IZUMO4: variants seen among roughly 807,000 people sequenced by gnomAD.
The protein encoded by IZUMO4 is IZUMO family member 4.
Under a neutral mutation model 37.1 loss-of-function variants are expected in IZUMO4, and 51 were observed. The ratio of observed to expected loss-of-function variants is 1.38; its 90% confidence interval spans 1.10 to 1.74. The LOEUF is 1.74. IZUMO4 is among the 40% of genes most tolerant of loss of function. IZUMO4 has a pLI of 0.00. For synonymous variants in IZUMO4, 162 were observed against 121.4 expected (o/e 1.33, Z -2.20); for missense variants, 364 against 299.6 (o/e 1.21, Z -1.59).
In IZUMO4 at chr19:2,098,784, C is replaced by T. The variant is rs1214454424; in HGVS notation, c.537-3C>T. Reference sequence around the variant, plus strand: ...GGGCTGACTGCCCCACATTGCCTTTCAGACAGGACACGAGCATGAGGTAAG... The same window carrying T: ...GGGCTGACTGCCCCACATTGCCTTTTAGACAGGACACGAGCATGAGGTAAG... On this transcript the variant is annotated splice_polypyrimidine_tract_variant and splice_region_variant and intron_variant, in intron 7 of 9. Transcript: ENST00000395301. The T allele has an allele frequency of 1.9e-6, 3 of 1,602,372 alleles. No individual in the cohort carries two copies. The highest frequency in any genetic ancestry group is 1.7e-6 in the Non-Finnish European group (2 of 1,175,304).
intron 2 of IZUMO4, 35 bp from the exon 3 acceptor site, chr19:2,097,388 GC>G: frequency 1.5e-6 from 1 of 684,420 alleles, no homozygotes; most frequent in South Asian, 1.4e-5. Context: ...CCCGCCCACC[GC>G]CTGAGCCTGA....
intron 8 of IZUMO4, 28 bp downstream of exon 8, chr19:2,098,832 G>GGGGA (rs765441391): frequency 3.3e-5 from 52 of 1,589,456 alleles, no homozygotes; most frequent in Middle Eastern, 1.7e-4. Context: ...TGGACTTCAG[G>GGGGA]GGGAGGGGGT....
Position 2,099,363 on chromosome 19 carries a change from C to T in IZUMO4, c.*18C>T, listed in dbSNP as rs1051767. ...AGCACTGACAGCAGCTGGGCCTGCCCCAGGGCAACGTGGGGGCGGAGACTC... is the reference window on the plus strand; with the variant it reads ...AGCACTGACAGCAGCTGGGCCTGCCTCAGGGCAACGTGGGGGCGGAGACTC... On this transcript the variant is annotated 3_prime_UTR_variant, in exon 10 of 10. Coordinates refer to ENST00000395301, the MANE Select transcript of IZUMO4 (RefSeq NM_001039846.2). 491,537 of 1,587,634 alleles carry T rather than the reference C, an allele frequency of 0.31. 81,291 individuals are homozygous for T. The highest frequency in any genetic ancestry group is 0.35 in the Non-Finnish European group (403,222 of 1,161,710).
At chr19:2,099,201 G>A in intron 9 of IZUMO4, 54 bp from the exon 10 acceptor site, 1 of 1,520,990 alleles carries the variant, frequency 6.6e-7, no homozygotes, top group Non-Finnish European at 9.1e-7. Context: ...CCCCCAGGGA[G>A]GGAGGCAGGG....
chr19:2,099,176 A>G (rs929820290), intron 9 of IZUMO4, 79 bp from the exon 10 acceptor site: 2 of 1,411,426 alleles, frequency 1.4e-6, no homozygotes, highest in Non-Finnish European at 2.0e-6. Context: ...CCCAGCTGGG[A>G]GGAGAGGCCT....
Position 2,097,011 on chromosome 19 carries a change from C to T in IZUMO4, c.66C>T (p.His22=), listed in dbSNP as rs1470230958. 2.5e-6 allele frequency: 4 copies of T among 1,611,662 alleles called. No homozygotes were observed. The highest frequency in any genetic ancestry group is 1.7e-5 in the Admixed American group (1 of 60,020). The change falls in exon 1 of 10, where the codon CAC becomes CAT. Residue 22 remains histidine (H), a synonymous_variant. Coordinates refer to ENST00000395301, the MANE Select transcript of IZUMO4 (RefSeq NM_001039846.2). ...TGGCCCACGGCTGTCTGCACTGCCA[C>T]AGCAACTTCTCCAAGAAGTTCTCCT... is the stretch of plus-strand genomic sequence containing the variant. ...AALAHGCLHC[H]SNFSKKFSFY...
rs572018061 is a variant in IZUMO4 at position 2,098,548 on chromosome 19, G to A, written c.536+98G>A. The A allele has an allele frequency of 1.0e-3, 1,682 of 1,606,782 alleles. 32 individuals carry two copies. The South Asian group carries it at 0.016, about 16-fold the overall frequency. Reference sequence around the variant, plus strand: ...ACAGGCTGGCTCCCTCAGCTCCCACGTCCTAGAGGGGCTCCCGAGGAGGTG... The same window carrying A: ...ACAGGCTGGCTCCCTCAGCTCCCACATCCTAGAGGGGCTCCCGAGGAGGTG... On this transcript the variant is annotated intron_variant, in intron 7 of 9. Coordinates refer to ENST00000395301, the MANE Select transcript of IZUMO4 (RefSeq NM_001039846.2).
chr19:2,098,832 G>A (rs966847819), intron 8 of IZUMO4, 28 bp downstream of exon 8: 1 of 1,589,572 alleles, frequency 6.3e-7, no homozygotes, highest in Non-Finnish European at 8.6e-7. Context: ...TGGACTTCAG[G>A]GGGAGGGGGT....
In IZUMO4 at chr19:2,098,967, C is replaced by T. The variant is rs1353900660; in HGVS notation, c.555-9C>T. The T allele has an allele frequency of 6.2e-7, 1 of 1,613,032 alleles. No individual in the cohort carries two copies. ...TGCAACCACACCCATGTGGTGGTTT[C>T]ATGAACAGACCACGCTCCTCTGCCT... On this transcript the variant is annotated splice_polypyrimidine_tract_variant and intron_variant, in intron 8 of 9. Coordinates refer to ENST00000395301, the MANE Select transcript of IZUMO4 (RefSeq NM_001039846.2).
intron 5 of IZUMO4, 52 bp from the exon 6 acceptor site, chr19:2,098,235 G>T: frequency 6.2e-7 from 1 of 1,612,810 alleles, no homozygotes; most frequent in South Asian, 1.1e-5. Flanking sequence ...TCATCGGGTA[G>T]GGCGGGGCCG....
At position 2,099,578 on chromosome 19, in the gene IZUMO4, G is replaced by T; in HGVS notation, c.*233G>T. 1.8e-6 allele frequency: 1 copy of T among 560,574 alleles called. No homozygotes were observed. Among genetic ancestry groups the T allele is most frequent in the Non-Finnish European group, 3.2e-6 (1 of 310,644 alleles). The allele number at this position is 560,574 out of a possible 1,614,324, so 34.7% of individuals were successfully genotyped here. ...GCGGGATGTGATTAAAGTCCCTGAT[G>T]TTTCTCTTTGCAGAAGAGTTCTTGT... On this transcript the variant is annotated 3_prime_UTR_variant, in exon 10 of 10. Transcript: ENST00000395301.
At position 2,099,236 on chromosome 19, in the gene IZUMO4, C is replaced by T. The variant is rs768456177; in HGVS notation, c.609-19C>T. The T allele has an allele frequency of 1.4e-5, 22 of 1,605,450 alleles. No individual in the cohort carries two copies. The South Asian group carries it at 1.5e-4, about 11-fold the overall frequency. ...GGGTGGGGGACATGGAGAGCTGAGG[C>T]AGCCTCGTCTCCCCGCAGCCTGGTA... On this transcript the variant is annotated intron_variant, in intron 9 of 9. Coordinates refer to ENST00000395301, the MANE Select transcript of IZUMO4 (RefSeq NM_001039846.2).
In IZUMO4 at chr19:2,098,785, A is replaced by C. The variant is rs754703861; in HGVS notation, c.537-2A>C. 14 of 1,602,672 alleles carry C rather than the reference A, an allele frequency of 8.7e-6. No individual in the cohort carries two copies. The South Asian group carries it at 1.6e-4, about 18-fold the overall frequency. ...GGCTGACTGCCCCACATTGCCTTTC[A>C]GACAGGACACGAGCATGAGGTAAGG... On this transcript the variant is annotated splice_acceptor_variant, in intron 7 of 9. Transcript: ENST00000395301. LOFTEE classifies it high-confidence loss of function.
Position 2,097,148 on chromosome 19 carries a change from TCC to T in IZUMO4, c.206_207del (p.Pro69ArgfsTer87), listed in dbSNP as rs2017722809. 13 of 1,610,412 alleles carry T rather than the reference TCC, an allele frequency of 8.1e-6. No homozygotes were observed. Among genetic ancestry groups the T allele is most frequent in the Non-Finnish European group, 1.1e-5 (13 of 1,178,414 alleles). On this transcript the variant is annotated frameshift_variant, in exon 1 of 10. Transcript: ENST00000395301. LOFTEE classifies it high-confidence loss of function. ...ACGATGAAGGAGCTGCACCTGGCCA[TCC>T]CCGCCAAGATCAGTGAGTGCCGGAG...
At position 2,099,486 on chromosome 19, in the gene IZUMO4, AG is replaced by A; in HGVS notation, c.*144del. The A allele has an allele frequency of 2.7e-6, 1 of 364,828 alleles. No homozygotes were observed. The allele number at this position is 364,828 out of a possible 1,614,324, so 22.6% of individuals were successfully genotyped here. A position where few individuals can be genotyped will look rare whatever the true frequency, so the allele number is the denominator to read the frequency against. On this transcript the variant is annotated 3_prime_UTR_variant, in exon 10 of 10. Coordinates refer to ENST00000395301, the MANE Select transcript of IZUMO4 (RefSeq NM_001039846.2). Reference sequence around the variant, plus strand: ...CAGAGCTGAGCTGGCCAGGGCCAGGAGGGCGGGAGGGAGGGAATGGGGGTGG... The same window carrying A: ...CAGAGCTGAGCTGGCCAGGGCCAGGAGGCGGGAGGGAGGGAATGGGGGTGG...
rs1213529373 is a variant in IZUMO4, at chr19:2,099,294, C to T, written c.648C>T (p.His216=). 6.2e-7 allele frequency: 1 copy of T among 1,613,484 alleles called. No individual in the cohort carries two copies. Among genetic ancestry groups the T allele is most frequent in the Non-Finnish European group, 8.5e-7 (1 of 1,179,964 alleles). ...SPALRCLEPP[H]LANLTLEDAA... ...CCTTAAGGTGTCTGGAGCCCCCACACTTGGCCAACCTGACCTTGGAAGATG... is the reference window on the plus strand; with the variant it reads ...CCTTAAGGTGTCTGGAGCCCCCACATTTGGCCAACCTGACCTTGGAAGATG... The change falls in exon 10 of 10, where the codon CAC becomes CAT. Residue 216 remains histidine (H), a synonymous_variant. Transcript: ENST00000395301.
At chr19:2,099,146 CCACA>C (rs1383293834) in intron 9 of IZUMO4, 105 bp from the exon 10 acceptor site, 2 of 1,372,192 alleles carry the variant, frequency 1.5e-6, no homozygotes, top group Non-Finnish European at 2.1e-6. Flanking sequence ...GTGGATGTGG[CCACA>C]CATAGGACCA....
rs1424424244 is a variant in IZUMO4, at chr19:2,097,510, C to T, written c.370+15C>T. Reference sequence around the variant, plus strand: ...CATCATCGAAAGTGAGCAAATAAGGCTTCAGAGGAGGGAGGTGTTGCCCAG... The same window carrying T: ...CATCATCGAAAGTGAGCAAATAAGGTTTCAGAGGAGGGAGGTGTTGCCCAG... On this transcript the variant is annotated intron_variant, in intron 3 of 9. Transcript: ENST00000395301. 9.3e-6 allele frequency: 15 copies of T among 1,608,188 alleles called. No individual in the cohort carries two copies. Among genetic ancestry groups the T allele is most frequent in the Non-Finnish European group, 1.3e-5 (15 of 1,175,228 alleles).
intron 7 of IZUMO4, 77 bp downstream of exon 7, chr19:2,098,527 G>A (rs906656937): frequency 1.2e-6 from 2 of 1,609,660 alleles, no homozygotes; most frequent in Non-Finnish European, 8.5e-7. Flanking sequence ...TGGGGCACAG[G>A]CTGGCTCCCT....
Sources: gnomAD v4.1 joint callset for allele counts on GRCh38, gnomAD v4.1.1 for gene constraint, MANE v1.5 for transcripts, NCBI Gene and HGNC (gene_info 2026-07-23, HGNC 2026-07-21) for gene names.